MLC1: variants seen among roughly 807,000 people sequenced by gnomAD.
MLC1 encodes the protein modulator of VRAC current 1.
A neutral mutation model predicts 44.7 loss-of-function variants in MLC1; 32 were observed. The ratio of observed to expected loss-of-function variants is 0.72; its 90% CI spans 0.54 to 0.96. The LOEUF is 0.96. Among genes scored for constraint, MLC1 ranks in the 40% least tolerant of loss-of-function variants. The pLI is 0.00. For missense variants in MLC1, 459 were observed against 492.2 expected (o/e 0.93, Z 0.64); for synonymous variants, 190 against 213.0 (o/e 0.89, Z 0.94).
chr22:50,085,860 G>C (rs1051894497), upstream of MLC1: 1 of 152,370 alleles, frequency 6.6e-6, no homozygotes, highest in African/African-American at 2.4e-5. Flanking sequence ...GGTTTGCGTG[G>C]GCAGCCCGGA....
intron 4 of MLC1, 46 bp from the exon 5 acceptor site, chr22:50,080,065 G>T: frequency 6.9e-7 from 1 of 1,454,850 alleles, no homozygotes; most frequent in South Asian, 1.1e-5. Flanking sequence ...AATAATAAAA[G>T]AAAAAAGGTA....
In MLC1 at chr22:50,076,892, G is replaced by A. The variant is rs1368681355; in HGVS notation, c.546C>T (p.Ala182=). The A allele has an allele frequency of 6.2e-7, 1 of 1,613,946 alleles. No homozygotes were observed. Among genetic ancestry groups the A allele is most frequent in the East Asian group, 2.2e-5 (1 of 44,878 alleles). The change falls in exon 7 of 12, where the codon GCC becomes GCT. Residue 182 remains alanine (A), a synonymous_variant. Coordinates refer to ENST00000311597, the MANE Select transcript of MLC1 (RefSeq NM_015166.4). The part of the protein sequence containing the change: ...KKKKGSMSDS[A]NILDEVPFPA... ...GAAATGGCACTTCGTCCAGAATGTT[G>A]GCGCTGTCAGACATGGAGCCCTACG... is the stretch of plus-strand genomic sequence containing the variant.
At chr22:50,062,176 A>AAGCCCCAGCCATCCACCCTG (rs1569240669) in intron 11 of MLC1, among the ~76,000 whole-genome samples, 933 of 73,044 alleles carry the variant, frequency 0.013, no homozygotes, top group East Asian at 0.028. Context: ...CGTCCACCCT[A>AAGCCCCAGCCATCCACCCTG]AGCCCCAGCC....
intron 10 of MLC1, among the ~76,000 whole-genome samples, chr22:50,064,869 C>A (rs1439504930): frequency 6.8e-6 from 1 of 146,200 alleles, no homozygotes; most frequent in Admixed American, 6.8e-5. Flanking sequence ...AACATCTATC[C>A]AATGTCACTG....
intron 8 of MLC1, among the ~76,000 whole-genome samples, chr22:50,074,004 A>G (rs1212023147): frequency 6.6e-6 from 1 of 152,244 alleles, no homozygotes; most frequent in Non-Finnish European, 1.5e-5. Flanking sequence ...GAAAAATAAT[A>G]TAAAATAATC....
chr22:50,080,131 T>C lies in MLC1; in HGVS notation c.322-112A>G. ...AAAAATTATCCTGATTAGGACATAA[T>C]GGTGGGGAGTCCTGCGTGCTCAGCC... On this transcript the variant is annotated intron_variant, in intron 4 of 11. Transcript: ENST00000311597. The C allele has an allele frequency of 4.9e-6, 5 of 1,016,468 alleles. No individual in the cohort carries two copies. In the South Asian group the frequency reaches 5.4e-5, roughly 11 times the overall value. 63.0% of individuals were successfully genotyped at this position (1,016,468 alleles called of 1,614,324 possible).
chr22:50,068,609 C>T (rs2061771473), intron 9 of MLC1, 54 bp from the exon 10 acceptor site: 11 of 1,570,320 alleles, frequency 7.0e-6, no homozygotes, highest in South Asian at 3.3e-5. Flanking sequence ...GAGCCCAGGA[C>T]AGCGGGCGTG....
At chr22:50,081,203 C>A (rs144335640) in intron 3 of MLC1, among the ~76,000 whole-genome samples, 12 of 151,694 alleles carry the variant, frequency 7.9e-5, no homozygotes, top group East Asian at 5.8e-4. Flanking sequence ...ATTAGCTGGG[C>A]GTGGTGGCGG....
At chr22:50,061,796 CCCCTGGG>C in intron 11 of MLC1, 139 bp from the exon 12 acceptor site, 1 of 765,304 alleles carries the variant, frequency 1.3e-6, no homozygotes. Context: ...GGGAAACTAA[CCCCTGGG>C]CCTCTGTGGA....
At position 50,085,078 on chromosome 22, in the gene MLC1, G is replaced by T. The variant is rs2062248520; in HGVS notation, c.-59-117C>A. 2.1e-6 allele frequency: 3 copies of T among 1,447,400 alleles called. No homozygotes were observed. In the South Asian group the frequency reaches 4.1e-5, roughly 20 times the overall value. 89.7% of individuals were successfully genotyped at this position (1,447,400 alleles called of 1,614,324 possible). A position where few individuals can be genotyped will look rare whatever the true frequency, so the allele number is the denominator to read the frequency against. ...CATACTGAAGTGCTCTAAATTTGAA[G>T]AAGAAAATGAGCACTTGAATCTAAA... On this transcript the variant is annotated intron_variant, in intron 1 of 11. Transcript: ENST00000311597.
chr22:50,074,449 C>T (rs931348694), intron 7 of MLC1, 117 bp from the exon 8 acceptor site: 1 of 942,758 alleles, frequency 1.1e-6, no homozygotes, highest in East Asian at 2.5e-5. Context: ...GGCCCCAGAT[C>T]TAACCGTGGA....
intron 3 of MLC1, among the ~76,000 whole-genome samples, chr22:50,081,564 T>C (rs1390982778): frequency 6.6e-6 from 1 of 152,222 alleles, no homozygotes; most frequent in East Asian, 1.9e-4. Flanking sequence ...AGCCCAGGCC[T>C]GTGGCCCTTG....
intron 7 of MLC1, among the ~76,000 whole-genome samples, chr22:50,075,997 T>C (rs949249410): frequency 4.6e-5 from 7 of 151,506 alleles, no homozygotes; most frequent in Non-Finnish European, 7.4e-5. Context: ...AAATTTCCCA[T>C]CCAAAATTAG....
At chr22:50,074,780 A>G (rs1456039021) in intron 7 of MLC1, 1 of 226,532 alleles carries the variant, frequency 4.4e-6, no homozygotes, top group African/African-American at 2.2e-5. Context: ...TGGGTTTGCC[A>G]TTGCCACGGC....
chr22:50,076,238 A>G (rs1488817665), intron 7 of MLC1, among the ~76,000 whole-genome samples: 7 of 152,220 alleles, frequency 4.6e-5, no homozygotes, highest in South Asian at 2.1e-4. Flanking sequence ...ACCAAAGTAC[A>G]AGGCAAGAAA....
Position 50,084,743 on chromosome 22 carries a change from A to G in MLC1, c.160T>C (p.Phe54Leu). 6.2e-7 allele frequency: 1 copy of G among 1,614,142 alleles called. No homozygotes were observed. Among genetic ancestry groups the G allele is most frequent in the South Asian group, 1.1e-5 (1 of 91,086 alleles). ...PPCFSHKTWVFSVLMGSCLLV... is the reference protein window; with the variant it reads ...PPCFSHKTWVLSVLMGSCLLV... ...CTACTCACCCCCATCAGCACAGAGA[A>G]GACCCACGTCTTGTGGCTGAAGCAG... is the stretch of plus-strand genomic sequence containing the variant. Residue 54 changes from phenylalanine to leucine, a missense_variant, in exon 2 of 12, where the codon TTC (phenylalanine) becomes CTC (leucine). By Grantham distance (22) the Phe-to-Leu change is conservative. Coordinates refer to ENST00000311597, the MANE Select transcript of MLC1 (RefSeq NM_015166.4).
rs905669127 is a variant in MLC1, at chr22:50,061,249, G to T, written c.*334C>A. On this transcript the variant is annotated 3_prime_UTR_variant, in exon 12 of 12. Coordinates refer to ENST00000311597, the MANE Select transcript of MLC1 (RefSeq NM_015166.4). The stretch of plus-strand genomic sequence containing the variant: ...CACTCCAGCCCAAGCCATGAGAGAG[G>T]CAGGAAGAGGAGCTGGGGCCAGTTC... 7.2e-6 allele frequency: 3 copies of T among 414,438 alleles called. No homozygotes were observed. Among genetic ancestry groups the T allele is most frequent in the Non-Finnish European group, 9.1e-6 (2 of 219,804 alleles). 25.7% of individuals were successfully genotyped at this position (414,438 alleles called of 1,614,324 possible).
At position 50,074,121 on chromosome 22, in the gene MLC1, T is replaced by C. The variant is rs370014759; in HGVS notation, c.714+95A>G. The C allele has an allele frequency of 1.2e-5, 12 of 1,029,248 alleles. No individual in the cohort carries two copies. In the South Asian group the frequency reaches 1.6e-4, roughly 14 times the overall value. The allele number at this position is 1,029,248 out of a possible 1,614,324, so 63.8% of individuals were successfully genotyped here. On this transcript the variant is annotated intron_variant, in intron 8 of 11. Transcript: ENST00000311597. ...GAGGACCCTCTGTGGTGACTCTCTG[T>C]CTGAATGCACCAAGACTGAGCTCGG...
intron 5 of MLC1, among the ~76,000 whole-genome samples, chr22:50,078,246 C>T (rs2062031650): frequency 6.6e-6 from 1 of 151,960 alleles, no homozygotes; most frequent in Admixed American, 6.6e-5. Context: ...CCACCTCGGC[C>T]TCCCAAAGTG....
Sources: gnomAD v4.1 joint callset for allele counts (sites outside exome capture counted in the v4.1 genomes callset) on GRCh38, gnomAD v4.1.1 for gene constraint, MANE v1.5 for transcripts, NCBI Gene and HGNC (gene_info 2026-07-23, HGNC 2026-07-21) for gene names.